Variants in LRRTM4 observed in about 807,000 individuals in gnomAD.
LRRTM4 encodes leucine-rich repeat transmembrane neuronal protein 4.
Under a neutral mutation model 47.6 loss-of-function variants are expected in LRRTM4, and 25 were observed. That is an observed-to-expected ratio of 0.53 (90% CI 0.38 to 0.73). The LOEUF (loss-of-function observed/expected upper bound fraction) is 0.73, where lower values mean the gene tolerates loss of function less well. Among genes scored for constraint, LRRTM4 ranks in the 30% least tolerant of loss-of-function variants. LRRTM4 has a pLI of 0.00. For missense variants in LRRTM4, 638 were observed against 713.4 expected (o/e 0.89, Z 1.20); for synonymous variants, 311 against 269.5 (o/e 1.15, Z -1.51).
intron 3 of LRRTM4, among the ~76,000 whole-genome samples, chr2:77,450,262 GTCTC>G (rs140781680): frequency 6.2e-5 from 9 of 145,268 alleles, no homozygotes; most frequent in African/African-American, 2.0e-4. Context: ...TTCTCTCTCC[GTCTC>G]TCTCTCTCTC....
chr2:76,873,222 A>C (rs1672676645), intron 3 of LRRTM4, among the ~76,000 whole-genome samples: 1 of 152,034 alleles, frequency 6.6e-6, no homozygotes, highest in Non-Finnish European at 1.5e-5. Flanking sequence ...TCTATGTAAG[A>C]AGGAAATTGA....
intron 3 of LRRTM4, among the ~76,000 whole-genome samples, chr2:77,064,644 G>C (rs532903679): frequency 6.6e-6 from 1 of 152,106 alleles, no homozygotes; most frequent in Admixed American, 6.6e-5. Context: ...CATTAAGTTC[G>C]GGAGTGTATC....
chr2:77,044,772 A>T (rs1482359315), intron 3 of LRRTM4, among the ~76,000 whole-genome samples: 4 of 151,758 alleles, frequency 2.6e-5, no homozygotes, highest in Non-Finnish European at 4.4e-5. Context: ...ATATCTACAC[A>T]TACATATGTA....
At chr2:77,410,971 A>G (rs1208201601) in intron 3 of LRRTM4, among the ~76,000 whole-genome samples, 1 of 152,216 alleles carries the variant, frequency 6.6e-6, no homozygotes, top group African/African-American at 2.4e-5. Context: ...GGTAATGTGA[A>G]TGTAACAGAT....
intron 3 of LRRTM4, among the ~76,000 whole-genome samples, chr2:76,900,097 A>T (rs1427645814): frequency 6.6e-6 from 1 of 151,910 alleles, no homozygotes; most frequent in African/African-American, 2.4e-5. Flanking sequence ...GGCATGATGG[A>T]TGGCTCATGC....
chr2:76,927,381 G>A (rs1196320996), intron 3 of LRRTM4, among the ~76,000 whole-genome samples: 5 of 152,030 alleles, frequency 3.3e-5, no homozygotes, highest in Non-Finnish European at 4.4e-5. Flanking sequence ...GCTGTATAAC[G>A]GTTCTACGAT....
At chr2:77,064,294 T>C (rs958353338) in intron 3 of LRRTM4, among the ~76,000 whole-genome samples, 2 of 152,160 alleles carry the variant, frequency 1.3e-5, no homozygotes, top group East Asian at 1.9e-4. Flanking sequence ...AGTATGATTA[T>C]ATATCATTTA....
At chr2:76,798,986 G>A (rs1363869243) in intron 3 of LRRTM4, among the ~76,000 whole-genome samples, 3 of 150,696 alleles carry the variant, frequency 2.0e-5, no homozygotes, top group African/African-American at 7.3e-5. Context: ...AAGAGTCCAG[G>A]ACCAGATGGA....
intron 3 of LRRTM4, among the ~76,000 whole-genome samples, chr2:76,847,222 A>G (rs1671861806): frequency 6.6e-6 from 1 of 151,560 alleles, no homozygotes; most frequent in South Asian, 2.1e-4. Context: ...TCCCACTCTC[A>G]ACATATTTGC....
At chr2:76,860,643 A>C (rs1672286397) in intron 3 of LRRTM4, among the ~76,000 whole-genome samples, 1 of 152,030 alleles carries the variant, frequency 6.6e-6, no homozygotes, top group African/African-American at 2.4e-5. Context: ...TAGTTTTTGG[A>C]TTTTAAGACT....
In LRRTM4 at chr2:77,044,128, A is replaced by C. The variant is rs79114117; in HGVS notation, c.1552-295212T>G. ...CTGAGGAAGGACCTGGAATTATTTA[A>C]ATGACTGCTCTTGGTATTAGAATAT... On this transcript the variant is annotated intron_variant, in intron 3 of 3. Transcript: ENST00000409884. Among the ~76,000 whole-genome samples the C allele has an allele frequency of 8.8e-3, 1,339 of 151,854 alleles. 23 individuals carry two copies. Among genetic ancestry groups the C allele is most frequent in the African/African-American group, 0.03 (1,225 of 41,498 alleles).
At chr2:76,911,736 G>A (rs183439744) in intron 3 of LRRTM4, among the ~76,000 whole-genome samples, 3 of 152,180 alleles carry the variant, frequency 2.0e-5, no homozygotes, top group South Asian at 4.2e-4. Context: ...AGTAGAAATG[G>A]AATAGGCCAA....
chr2:77,333,216 G>T (rs1671035736), intron 3 of LRRTM4, among the ~76,000 whole-genome samples: 1 of 152,140 alleles, frequency 6.6e-6, no homozygotes, highest in Admixed American at 6.6e-5. Flanking sequence ...AGAGTGAAAG[G>T]AAACTAATAC....
chr2:76,914,439 T>C (rs1005693846), intron 3 of LRRTM4, among the ~76,000 whole-genome samples: 7 of 152,136 alleles, frequency 4.6e-5, no homozygotes, highest in South Asian at 4.1e-4. Flanking sequence ...CACTTCCTGA[T>C]CTGGATTATA....
At chr2:77,286,075 A>G (rs1222743815) in intron 3 of LRRTM4, among the ~76,000 whole-genome samples, 1 of 152,096 alleles carries the variant, frequency 6.6e-6, no homozygotes, top group Non-Finnish European at 1.5e-5. Flanking sequence ...TTAGAATCTG[A>G]AAAACTTTGG....
chr2:77,241,426 GTA>G (rs1298029123), intron 3 of LRRTM4, among the ~76,000 whole-genome samples: 3 of 152,034 alleles, frequency 2.0e-5, no homozygotes, highest in Non-Finnish European at 4.4e-5. Flanking sequence ...AAATGAGTCA[GTA>G]ATAAGCATAA....
At chr2:76,944,656 C>T (rs1483299165) in intron 3 of LRRTM4, among the ~76,000 whole-genome samples, 2 of 152,044 alleles carry the variant, frequency 1.3e-5, no homozygotes, top group African/African-American at 2.4e-5. Flanking sequence ...AAATTTAAAA[C>T]TCGTCTGCTC....
chr2:76,852,963 A>C (rs975728868), intron 3 of LRRTM4, among the ~76,000 whole-genome samples: 2 of 152,136 alleles, frequency 1.3e-5, no homozygotes, highest in Non-Finnish European at 2.9e-5. Context: ...CAGTATATTC[A>C]AACAGGCACA....
intron 3 of LRRTM4, among the ~76,000 whole-genome samples, chr2:77,312,852 T>C (rs1558683151): frequency 6.6e-6 from 1 of 152,188 alleles, no homozygotes; most frequent in Non-Finnish European, 1.5e-5. Context: ...AATTTTGAGA[T>C]ATTGAAGTCA....
Sources: allele counts gnomAD v4.1 joint callset (sites outside exome capture counted in the v4.1 genomes callset), GRCh38; gene constraint gnomAD v4.1.1; transcripts MANE v1.5; gene names NCBI Gene and HGNC (gene_info 2026-07-23, HGNC 2026-07-21).